Variants in RRP15 observed in about 807,000 individuals in gnomAD.
The protein encoded by RRP15 is RRP15-like protein.
Under a neutral mutation model 27.1 loss-of-function variants are expected in RRP15, and 18 were observed. The observed-to-expected ratio is 0.66, with a 90% CI of 0.46 to 0.98. The LOEUF is 0.98. Among genes scored for constraint, RRP15 ranks in the 50% least tolerant of loss-of-function variants. The pLI is 0.00. For synonymous variants in RRP15, 107 were observed against 109.4 expected (o/e 0.98, Z 0.14); for missense variants, 359 against 337.8 (o/e 1.06, Z -0.49).
intron 1 of RRP15, among the ~76,000 whole-genome samples, chr1:218,286,005 G>A (rs763090912): frequency 2.6e-5 from 4 of 152,116 alleles, no homozygotes; most frequent in Admixed American, 2.0e-4. Context: ...GGAAGGATGT[G>A]TTTTTGAGGC....
At chr1:218,289,181 C>T (rs1340998435) in intron 1 of RRP15, among the ~76,000 whole-genome samples, 1 of 152,100 alleles carries the variant, frequency 6.6e-6, no homozygotes, top group Non-Finnish European at 1.5e-5. Flanking sequence ...TCTCTTTTTG[C>T]CAAATAAGTT....
chr1:218,326,461 G>T, intron 4 of RRP15, among the ~76,000 whole-genome samples: 1 of 151,588 alleles, frequency 6.6e-6, no homozygotes, highest in African/African-American at 2.4e-5. Flanking sequence ...TAAATTTTGT[G>T]TTTGCATTGT....
At chr1:218,313,894 A>G (rs968794397) in intron 4 of RRP15, among the ~76,000 whole-genome samples, 2 of 152,206 alleles carry the variant, frequency 1.3e-5, no homozygotes, top group Admixed American at 6.5e-5. Flanking sequence ...TCGATCAAAT[A>G]CAGGAAGCAT....
chr1:218,302,102 GT>G, intron 1 of RRP15, 191 bp from the exon 2 acceptor site: 1 of 524,860 alleles, frequency 1.9e-6, no homozygotes, highest in East Asian at 3.0e-5. Context: ...GCTGGGCGAG[GT>G]CTCTGGGAGC....
At chr1:218,313,923 A>T (rs956187621) in intron 4 of RRP15, among the ~76,000 whole-genome samples, 3 of 152,138 alleles carry the variant, frequency 2.0e-5, no homozygotes, top group East Asian at 3.8e-4. Flanking sequence ...TTACATACCA[A>T]CATGTGGCAA....
chr1:218,293,733 A>G (rs918627203), intron 1 of RRP15, among the ~76,000 whole-genome samples: 2 of 152,162 alleles, frequency 1.3e-5, no homozygotes, highest in Admixed American at 6.5e-5. Context: ...GTGTGCTTTC[A>G]TGAGAACAAA....
intron 4 of RRP15, among the ~76,000 whole-genome samples, chr1:218,323,066 T>C (rs1157021090): frequency 6.6e-6 from 1 of 152,212 alleles, no homozygotes; most frequent in Non-Finnish European, 1.5e-5. Flanking sequence ...CGTGGCGTTC[T>C]GGAAGCTTGG....
intron 2 of RRP15, chr1:218,302,817 T>C (rs1456188352): frequency 2.5e-6 from 1 of 398,088 alleles, no homozygotes; most frequent in Admixed American, 4.3e-5. Flanking sequence ...TAAAATCAAG[T>C]AATTATACAC....
At chr1:218,286,060 G>C (rs111509881) in intron 1 of RRP15, among the ~76,000 whole-genome samples, 1 of 152,086 alleles carries the variant, frequency 6.6e-6, no homozygotes, top group East Asian at 1.9e-4. Flanking sequence ...CATCATTCTT[G>C]GCACCAGCTT....
chr1:218,307,326 G>A (rs1655914334), intron 3 of RRP15, 105 bp from the exon 4 acceptor site: 1 of 912,102 alleles, frequency 1.1e-6, no homozygotes, highest in African/African-American at 1.7e-5. Flanking sequence ...CTTGTTAAAT[G>A]CTTGCCTCTT....
At chr1:218,288,525 T>G (rs1186950092) in intron 1 of RRP15, among the ~76,000 whole-genome samples, 1 of 152,210 alleles carries the variant, frequency 6.6e-6, no homozygotes, top group Non-Finnish European at 1.5e-5. Flanking sequence ...TTTAAAAAAC[T>G]GAGGCACAGA....
intron 4 of RRP15, among the ~76,000 whole-genome samples, chr1:218,323,320 G>A (rs1656217943): frequency 6.6e-6 from 1 of 152,222 alleles, no homozygotes; most frequent in South Asian, 2.1e-4. Flanking sequence ...ACAAGTGGAG[G>A]ATGAGCAAGA....
At chr1:218,300,557 G>C (rs185354624) in intron 1 of RRP15, among the ~76,000 whole-genome samples, 25 of 152,268 alleles carry the variant, frequency 1.6e-4, no homozygotes, top group Admixed American at 1.5e-3. Context: ...AGAGAGTAGA[G>C]GGGATCACTC....
chr1:218,288,916 C>T (rs1655591253), intron 1 of RRP15, among the ~76,000 whole-genome samples: 2 of 152,080 alleles, frequency 1.3e-5, no homozygotes, highest in Non-Finnish European at 2.9e-5. Flanking sequence ...AAGCAAATTC[C>T]CCTGTTCACT....
intron 1 of RRP15, among the ~76,000 whole-genome samples, chr1:218,288,178 G>A (rs1337013382): frequency 1.3e-5 from 2 of 152,174 alleles, no homozygotes; most frequent in Non-Finnish European, 2.9e-5. Flanking sequence ...CCAGATGTAC[G>A]GTGACTGCCA....
intron 4 of RRP15, among the ~76,000 whole-genome samples, chr1:218,330,123 A>G (rs997970138): frequency 1.3e-5 from 2 of 152,142 alleles, no homozygotes; most frequent in African/African-American, 2.4e-5. Flanking sequence ...GTTCATCACT[A>G]TGTTTCTAAC....
At chr1:218,318,625 T>C (rs1256841329) in intron 4 of RRP15, among the ~76,000 whole-genome samples, 3 of 152,252 alleles carry the variant, frequency 2.0e-5, no homozygotes, top group Non-Finnish European at 1.5e-5. Flanking sequence ...CATAATTACA[T>C]CATATGTGTG....
intron 1 of RRP15, among the ~76,000 whole-genome samples, chr1:218,287,526 A>G (rs181931260): frequency 2.6e-4 from 39 of 152,290 alleles, no homozygotes; most frequent in African/African-American, 9.1e-4. Context: ...CAAAGGATGA[A>G]TATATTTCTG....
At chr1:218,319,145 A>G (rs1376896850) in intron 4 of RRP15, among the ~76,000 whole-genome samples, 2 of 151,056 alleles carry the variant, frequency 1.3e-5, no homozygotes, top group South Asian at 2.1e-4. Flanking sequence ...GCTCACTGCA[A>G]CCTCCACCTC....
Sources: gnomAD v4.1 joint callset for allele counts (sites outside exome capture counted in the v4.1 genomes callset) on GRCh38, gnomAD v4.1.1 for gene constraint, MANE v1.5 for transcripts, NCBI Gene and HGNC (gene_info 2026-07-23, HGNC 2026-07-21) for gene names.